The following HPSE2 variants were observed in gnomAD, a reference collection of about 807,000 sequenced individuals.
HPSE2 encodes the protein heparanase 2 (inactive).
A neutral mutation model predicts 60.5 loss-of-function variants in HPSE2; 38 were observed. That is an observed-to-expected ratio of 0.63 (90% confidence interval 0.48 to 0.82). The LOEUF is 0.82. Ranked by LOEUF, HPSE2 falls within the 40% of genes least tolerant of loss-of-function variation. The probability of loss-of-function intolerance (pLI) is 0.00; values close to 1 mark genes in which losing one functional copy is unlikely to be tolerated. For missense variants in HPSE2, 713 were observed against 740.4 expected, an observed-to-expected ratio of 0.96 and a Z score of 0.43; for synonymous variants, 295 against 293.2, an observed-to-expected ratio of 1.01 and a Z score of -0.06.
chr10:98,654,942 C>A (rs899237105), intron 6 of HPSE2, among the ~76,000 whole-genome samples: 4 of 152,164 alleles, frequency 2.6e-5, no homozygotes, highest in African/African-American at 4.8e-5. Flanking sequence ...TCACTTTAGG[C>A]TTTCCTAGTT....
chr10:98,853,700 CTATAAAAAGGCAGT>C lies in HPSE2; in HGVS notation c.611-109658_611-109645del, dbSNP rs368696692. Among the ~76,000 whole-genome samples the C allele has an allele frequency of 7.5e-4, 114 of 152,206 alleles. 1 individual carries two copies. Among genetic ancestry groups the C allele is most frequent in the African/African-American group, 2.6e-3 (110 of 41,544 alleles). On this transcript the variant is annotated intron_variant, in intron 3 of 11. Transcript: ENST00000370552. The stretch of plus-strand genomic sequence containing the variant: ...TGAAACATACATATATGAATCCTAA[CTATAAAAAGGCAGT>C]TATAAAGAGGAAATGTATGATGCTA...
At chr10:99,047,829 T>A in intron 3 of HPSE2, 1 of 798,692 alleles carries the variant, frequency 1.3e-6, no homozygotes, top group Non-Finnish European at 2.2e-6. Context: ...TATAGGCAGA[T>A]GTACAGAACT....
intron 3 of HPSE2, among the ~76,000 whole-genome samples, chr10:99,085,208 G>A (rs980022991): frequency 6.6e-6 from 1 of 152,152 alleles, no homozygotes; most frequent in African/African-American, 2.4e-5. Flanking sequence ...AGCCATGACT[G>A]CTCAGTATTG....
intron 3 of HPSE2, among the ~76,000 whole-genome samples, chr10:98,746,033 T>C (rs538060437): frequency 6.6e-6 from 1 of 152,246 alleles, no homozygotes; most frequent in South Asian, 2.1e-4. Flanking sequence ...AGAAAGTATT[T>C]CTTAAGAAGC....
At chr10:98,840,586 A>G (rs910179002) in intron 3 of HPSE2, among the ~76,000 whole-genome samples, 1 of 152,166 alleles carries the variant, frequency 6.6e-6, no homozygotes, top group Admixed American at 6.5e-5. Flanking sequence ...CAGGGCTTGA[A>G]AACTGATTGG....
intron 9 of HPSE2, among the ~76,000 whole-genome samples, chr10:98,561,290 C>T (rs1407094508): frequency 6.6e-6 from 1 of 151,848 alleles, no homozygotes; most frequent in African/African-American, 2.4e-5. Context: ...CCTCAGTCTC[C>T]CGAGTAGGAA....
the HPSE2 span, among the ~76,000 whole-genome samples, chr10:99,262,876 C>T: frequency 6.6e-6 from 1 of 152,120 alleles, no homozygotes; most frequent in Non-Finnish European, 1.5e-5. Flanking sequence ...TTCCCCACTC[C>T]CCTTGCCATT....
At chr10:99,047,644 T>C (rs1373185987) in intron 3 of HPSE2, 3 of 713,560 alleles carry the variant, frequency 4.2e-6, no homozygotes, top group Admixed American at 2.1e-5. Context: ...GAACCATGGA[T>C]GGTGTAGAAG....
At chr10:98,611,330 C>A (rs77591844) in intron 9 of HPSE2, among the ~76,000 whole-genome samples, 5,609 of 152,220 alleles carry the variant, frequency 0.037, 364 homozygotes, top group African/African-American at 0.13. Flanking sequence ...AATGGTCCTG[C>A]CAGAGCTAGG....
the HPSE2 span, among the ~76,000 whole-genome samples, chr10:99,279,989 A>C: frequency 6.6e-6 from 1 of 152,186 alleles, no homozygotes; most frequent in Admixed American, 6.5e-5. Context: ...TCCTTCTAGC[A>C]ACCCAAAAAT....
chr10:98,989,403 A>T (rs1468404795), intron 3 of HPSE2, among the ~76,000 whole-genome samples: 1 of 151,616 alleles, frequency 6.6e-6, no homozygotes, highest in Non-Finnish European at 1.5e-5. Flanking sequence ...AGGACAAAAA[A>T]CCAAACACTG....
intron 10 of HPSE2, among the ~76,000 whole-genome samples, chr10:98,489,072 C>T (rs947023946): frequency 3.9e-5 from 6 of 152,208 alleles, no homozygotes; most frequent in African/African-American, 1.4e-4. Flanking sequence ...TCCTGATAGG[C>T]CTGGGCTGGA....
the HPSE2 span, among the ~76,000 whole-genome samples, chr10:99,315,010 C>A: frequency 6.6e-6 from 1 of 152,194 alleles, no homozygotes; most frequent in Admixed American, 6.5e-5. Context: ...AGGACCAGCA[C>A]CAATTTTCCT....
At chr10:99,014,131 C>A (rs371791050) in intron 3 of HPSE2, among the ~76,000 whole-genome samples, 4 of 152,226 alleles carry the variant, frequency 2.6e-5, no homozygotes, top group East Asian at 1.9e-4. Context: ...CCCTGCCACA[C>A]GCGAGTCCCT....
At chr10:99,132,461 G>C (rs112442457) in intron 3 of HPSE2, among the ~76,000 whole-genome samples, 1 of 152,090 alleles carries the variant, frequency 6.6e-6, no homozygotes, top group Non-Finnish European at 1.5e-5. Flanking sequence ...CAAGATGGCC[G>C]AATAGGAGAA....
chr10:98,492,369 A>G (rs975807375), intron 9 of HPSE2, among the ~76,000 whole-genome samples: 10 of 152,030 alleles, frequency 6.6e-5, no homozygotes, highest in Non-Finnish European at 1.0e-4. Context: ...GGGCGTGGTG[A>G]TGGGCGCCTG....
intron 3 of HPSE2, among the ~76,000 whole-genome samples, chr10:99,029,297 A>G (rs1435321383): frequency 6.6e-6 from 1 of 152,164 alleles, no homozygotes; most frequent in African/African-American, 2.4e-5. Flanking sequence ...AAATATAATA[A>G]TCCATGCAGG....
At chr10:99,222,061 T>C (rs1849331349) in intron 2 of HPSE2, among the ~76,000 whole-genome samples, 1 of 151,984 alleles carries the variant, frequency 6.6e-6, no homozygotes, top group South Asian at 2.1e-4. Context: ...GAAACAACAA[T>C]AATTATCATT....
chr10:99,135,859 A>C (rs1408265656), intron 3 of HPSE2, among the ~76,000 whole-genome samples: 1 of 152,276 alleles, frequency 6.6e-6, no homozygotes, highest in Admixed American at 6.5e-5. Context: ...CAAATTCAAA[A>C]TTTAAGGGAA....
Sources: allele counts gnomAD v4.1 joint callset (sites outside exome capture counted in the v4.1 genomes callset), GRCh38; gene constraint gnomAD v4.1.1; transcripts MANE v1.5; gene names NCBI Gene and HGNC (gene_info 2026-07-23, HGNC 2026-07-21).